Variants in HRH1 observed in about 807,000 individuals in gnomAD.
HRH1 encodes histamine receptor H1.
Under a neutral mutation model 10.3 loss-of-function variants are expected in HRH1, and 6 were observed. That is an observed-to-expected ratio of 0.58 (90% CI 0.32 to 1.15). The LOEUF (loss-of-function observed/expected upper bound fraction) is 1.15, where lower values mean the gene tolerates loss of function less well. Among genes scored for constraint, HRH1 ranks in the 50% most tolerant of loss-of-function variants. The pLI is 0.05. For missense variants in HRH1, 514 were observed against 615.3 expected (o/e 0.84, Z 1.74); for synonymous variants, 242 against 236.7 (o/e 1.02, Z -0.21).
chr3:11,250,855 G>T (rs1054846191), intron 1 of HRH1, among the ~76,000 whole-genome samples: 4 of 152,144 alleles, frequency 2.6e-5, no homozygotes, highest in South Asian at 2.1e-4. Flanking sequence ...TTGTTTGTTG[G>T]TTTTTCTGCG....
chr3:11,260,459 C>T lies in HRH1; in HGVS notation c.1422C>T (p.Asn474=), dbSNP rs751961466. The change falls in exon 2 of 2, where the codon AAC becomes AAT. Residue 474 remains asparagine, a synonymous_variant. Coordinates refer to ENST00000431010, the MANE Select transcript of HRH1 (RefSeq NM_001098212.2). ...NPLIYPLCNE[N]FKKTFKRILH... ...TCATCTACCCCTTGTGCAATGAGAA[C>T]TTCAAGAAGACATTCAAGAGAATTC... The T allele has an allele frequency of 1.3e-5, 21 of 1,610,632 alleles. No homozygotes were observed. Among genetic ancestry groups the T allele is most frequent in the Non-Finnish European group, 1.7e-5 (20 of 1,178,124 alleles).
At chr3:11,237,898 G>A (rs369568009) in intron 1 of HRH1, among the ~76,000 whole-genome samples, 6 of 151,806 alleles carry the variant, frequency 4.0e-5, no homozygotes, top group East Asian at 3.9e-4. Flanking sequence ...GGGTGGTCTC[G>A]AACTCCTGAC....
chr3:11,257,585 C>T (rs1304260142), intron 1 of HRH1, among the ~76,000 whole-genome samples: 11 of 151,594 alleles, frequency 7.3e-5, no homozygotes, highest in Non-Finnish European at 1.6e-4. Flanking sequence ...ATCTTAAAAA[C>T]TCCTTCCAGA....
At chr3:11,215,207 T>A (rs1006905852) in intron 1 of HRH1, among the ~76,000 whole-genome samples, 17 of 152,228 alleles carry the variant, frequency 1.1e-4, no homozygotes, top group African/African-American at 4.1e-4. Flanking sequence ...GTTTAAGGCA[T>A]CTTCTCCAAA....
rs116382668 is a variant in HRH1, at chr3:11,221,768, C to T, written c.-35-37235C>T. On this transcript the variant is annotated intron_variant, in intron 1 of 1. Transcript: ENST00000431010. ...CTCCCCTTTCCTCCTTCCCGCAGCC[C>T]CCGGCAGCCACCATTCCACTTTTTA... Among the ~76,000 whole-genome samples the T allele has an allele frequency of 7.2e-3, 1,101 of 152,184 alleles. 5 individuals carry two copies. Among genetic ancestry groups the T allele is most frequent in the Non-Finnish European group, 0.011 (739 of 68,008 alleles).
chr3:11,176,616 G>T lies in HRH1; in HGVS notation c.-36+22062G>T, dbSNP rs142854387. 5.6e-4 allele frequency among the ~76,000 whole-genome samples: 85 copies of T among 152,282 alleles called. 1 individual carries two copies. In the South Asian group the frequency reaches 7.3e-3, roughly 13 times the overall value. On this transcript the variant is annotated intron_variant, in intron 1 of 1. Transcript: ENST00000431010. ...TGAAGGTGCCCAGTGTTTCTGGTTG[G>T]CTCAGGAAATCGGCTAGCTAAGCTT...
chr3:11,177,125 G>C (rs1379304545), intron 1 of HRH1, among the ~76,000 whole-genome samples: 1 of 151,944 alleles, frequency 6.6e-6, no homozygotes, highest in African/African-American at 2.4e-5. Context: ...TTGTAGCCAG[G>C]TGCAGTGGCT....
intron 1 of HRH1, among the ~76,000 whole-genome samples, chr3:11,157,102 A>G (rs889727319): frequency 6.6e-6 from 1 of 152,218 alleles, no homozygotes; most frequent in East Asian, 1.9e-4. Flanking sequence ...TCTGACGAGC[A>G]TGGATTTGGG....
intron 1 of HRH1, among the ~76,000 whole-genome samples, chr3:11,137,734 C>T (rs930625472): frequency 8.5e-5 from 13 of 152,074 alleles, no homozygotes; most frequent in Admixed American, 7.9e-4. Flanking sequence ...GCGACCGGAA[C>T]GGACCCTGTT....
At chr3:11,205,606 G>A (rs1938091408) in intron 1 of HRH1, among the ~76,000 whole-genome samples, 1 of 151,864 alleles carries the variant, frequency 6.6e-6, no homozygotes, top group Non-Finnish European at 1.5e-5. Context: ...AGCTCTCCCA[G>A]CACCCCATGT....
intron 1 of HRH1, among the ~76,000 whole-genome samples, chr3:11,254,647 C>T (rs1005465041): frequency 1.3e-5 from 2 of 152,194 alleles, no homozygotes; most frequent in Non-Finnish European, 2.9e-5. Context: ...AACAAAGCAG[C>T]GGGCTGCGTC....
At chr3:11,201,455 G>A (rs111336193) in intron 1 of HRH1, among the ~76,000 whole-genome samples, 44 of 152,262 alleles carry the variant, frequency 2.9e-4, no homozygotes, top group African/African-American at 9.1e-4. Flanking sequence ...CTTGGGGGAC[G>A]GTAGAGGGCA....
chr3:11,250,306 G>T (rs1373468036), intron 1 of HRH1, among the ~76,000 whole-genome samples: 1 of 148,884 alleles, frequency 6.7e-6, no homozygotes, highest in East Asian at 2.0e-4. Context: ...TGATCCGTCC[G>T]TCTCGGCCTC....
intron 1 of HRH1, among the ~76,000 whole-genome samples, chr3:11,249,402 C>CA (rs4037602): frequency 0.033 from 2,377 of 71,802 alleles, 117 homozygotes; most frequent in African/African-American, 0.12. Context: ...GACTCTGTCT[C>CA]AAAAAAAAAA....
intron 1 of HRH1, among the ~76,000 whole-genome samples, chr3:11,246,920 G>A (rs1214617501): frequency 6.6e-6 from 1 of 152,168 alleles, no homozygotes; most frequent in Non-Finnish European, 1.5e-5. Flanking sequence ...GGTGGTGCGT[G>A]CCTGTGGTCC....
chr3:11,157,910 T>C (rs530301951), intron 1 of HRH1, among the ~76,000 whole-genome samples: 13 of 152,368 alleles, frequency 8.5e-5, no homozygotes, highest in African/African-American at 2.9e-4. Flanking sequence ...GTTCTGCCAG[T>C]GTATTTGTTG....
At chr3:11,157,136 T>C (rs1936823704) in intron 1 of HRH1, among the ~76,000 whole-genome samples, 4 of 152,204 alleles carry the variant, frequency 2.6e-5, no homozygotes, top group Admixed American at 2.6e-4. Context: ...AGCTGTTTTC[T>C]AGAGGGACAG....
exon 1 of HRH1, chr3:11,137,290 A>G (rs1431514916): frequency 6.6e-6 from 1 of 152,216 alleles, no homozygotes; most frequent in African/African-American, 2.4e-5. Flanking sequence ...GCAGCCCTCA[A>G]TGGGATTTTT....
Position 11,260,451 on chromosome 3 carries a change from A to G in HRH1, c.1414A>G (p.Asn472Asp). The change falls in exon 2 of 2, where the codon AAT becomes GAT. Residue 472 changes from asparagine to aspartate, a missense_variant. Asn to Asp is a conservative substitution (Grantham distance 23). Coordinates refer to ENST00000431010, the MANE Select transcript of HRH1 (RefSeq NM_001098212.2). Reference sequence around the variant, plus strand: ...GAACCCCCTCATCTACCCCTTGTGCAATGAGAACTTCAAGAAGACATTCAA... The same window carrying G: ...GAACCCCCTCATCTACCCCTTGTGCGATGAGAACTTCAAGAAGACATTCAA... The part of the protein sequence containing the change: ...TLNPLIYPLC[N>D]ENFKKTFKRI... The G allele has an allele frequency of 6.2e-7, 1 of 1,612,150 alleles. No individual in the cohort carries two copies. The highest frequency in any genetic ancestry group is 8.5e-7 in the Non-Finnish European group (1 of 1,178,962).
Sources: allele counts gnomAD v4.1 joint callset (sites outside exome capture counted in the v4.1 genomes callset), GRCh38; gene constraint gnomAD v4.1.1; transcripts MANE v1.5; gene names NCBI Gene and HGNC (gene_info 2026-07-23, HGNC 2026-07-21).